Variants in RPH3AL observed in about 807,000 individuals in gnomAD.
RPH3AL encodes rabphilin 3A like (without C2 domains).
A neutral mutation model predicts 43.1 loss-of-function variants in RPH3AL; 38 were observed. That is an observed-to-expected ratio of 0.88 (90% CI 0.68 to 1.15). The LOEUF (loss-of-function observed/expected upper bound fraction) is 1.15. RPH3AL is among the 50% of genes most tolerant of loss of function. The pLI is 0.00. For synonymous variants in RPH3AL, 189 were observed against 176.3 expected, an observed-to-expected ratio of 1.07 and a Z score of -0.57; for missense variants, 462 against 423.2, an observed-to-expected ratio of 1.09 and a Z score of -0.81.
chr17:239,556 A>G (rs2041478820), intron 7 of RPH3AL, among the ~76,000 whole-genome samples: 1 of 152,192 alleles, frequency 6.6e-6, no homozygotes, highest in African/African-American at 2.4e-5. Flanking sequence ...TACTGATTTC[A>G]GTAACTTTAT....
intron 5 of RPH3AL, among the ~76,000 whole-genome samples, chr17:295,026 G>A (rs868765704): frequency 6.9e-3 from 848 of 123,036 alleles, no homozygotes; most frequent in African/African-American, 0.026. Flanking sequence ...CAGTGTGGGA[G>A]GGACAGAGAT....
At chr17:255,978 G>C (rs75909758) in intron 6 of RPH3AL, among the ~76,000 whole-genome samples, 1 of 8,908 alleles carries the variant, frequency 1.1e-4, no homozygotes, top group African/African-American at 4.3e-4. Context: ...TACTTCCTAT[G>C]AGGGGAGCTG....
intron 3 of RPH3AL, chr17:321,737 G>C (rs1027845270): frequency 1.9e-5 from 6 of 323,246 alleles, no homozygotes; most frequent in Non-Finnish European, 2.8e-5. Flanking sequence ...GCCGTGTGCA[G>C]GGGGCAAGGC....
At chr17:265,605 G>T (rs1291702962) in intron 6 of RPH3AL, among the ~76,000 whole-genome samples, 2 of 151,894 alleles carry the variant, frequency 1.3e-5, no homozygotes, top group African/African-American at 2.4e-5. Flanking sequence ...ATTTCTCCTT[G>T]TTGTTGTCCT....
At chr17:347,873 T>C (rs966367887) in intron 1 of RPH3AL, among the ~76,000 whole-genome samples, 3 of 151,222 alleles carry the variant, frequency 2.0e-5, no homozygotes, top group Admixed American at 1.3e-4. Context: ...ATAAAAAAAA[T>C]GAGCTAGTAA....
intron 6 of RPH3AL, among the ~76,000 whole-genome samples, chr17:273,883 G>C (rs542133968): frequency 1.3e-5 from 2 of 152,158 alleles, no homozygotes; most frequent in Non-Finnish European, 2.9e-5. Flanking sequence ...CCAGCTTTCA[G>C]CTCCTTAAAA....
chr17:319,495 C>T lies in RPH3AL; in HGVS notation c.276G>A (p.Leu92=). Residue 92 remains leucine (L), a synonymous_variant, in exon 5 of 10, where the codon CTG becomes CTA. Coordinates refer to ENST00000331302, the MANE Select transcript of RPH3AL (RefSeq NM_006987.4). ...TMRRNVMGNG[L]SQCLLCGEVL... ...CCTCCCCGCAGAGCAGACACTGGGA[C>T]AGGCCGTTCCCCATCACATTCCGCC... The T allele has an allele frequency of 1.9e-6, 3 of 1,612,510 alleles. No individual in the cohort carries two copies. The highest frequency in any genetic ancestry group is 8.5e-7 in the Non-Finnish European group (1 of 1,179,964).
At chr17:343,403 C>T (rs79787569) in intron 1 of RPH3AL, among the ~76,000 whole-genome samples, 2,527 of 152,332 alleles carry the variant, frequency 0.017, 50 homozygotes, top group African/African-American at 0.057. Flanking sequence ...AGGCGCTCAA[C>T]CCTGTCACGC....
intron 6 of RPH3AL, among the ~76,000 whole-genome samples, chr17:280,259 A>C (rs1309777297): frequency 6.6e-6 from 1 of 151,996 alleles, no homozygotes; most frequent in Non-Finnish European, 1.5e-5. Flanking sequence ...GAGGTGGGGG[A>C]CCAGAGCAGA....
intron 7 of RPH3AL, among the ~76,000 whole-genome samples, chr17:240,549 A>T (rs902144972): frequency 2.6e-5 from 4 of 152,180 alleles, no homozygotes; most frequent in Middle Eastern, 3.4e-3. Flanking sequence ...ATCACACAAC[A>T]CGCGGCCTTT....
At chr17:273,219 TGAGACCCCAGCGAGGGCGACGTCAGGGA>T (rs1567605050) in intron 6 of RPH3AL, among the ~76,000 whole-genome samples, 4 of 41,944 alleles carry the variant, frequency 9.5e-5, no homozygotes, top group African/African-American at 3.4e-4. Flanking sequence ...GACGTCAGGG[TGAGACCCCAGCGAGGGCGACGTCAGGGA>T]GAGACCCCAG....
At chr17:227,923 G>A (rs2041143108) in intron 7 of RPH3AL, among the ~76,000 whole-genome samples, 2 of 152,224 alleles carry the variant, frequency 1.3e-5, no homozygotes, top group Non-Finnish European at 2.9e-5. Context: ...AAGGCCCCTG[G>A]GAGTGTAGAC....
chr17:309,301 G>A (rs1390452466), intron 5 of RPH3AL, among the ~76,000 whole-genome samples: 1 of 152,152 alleles, frequency 6.6e-6, no homozygotes, highest in African/African-American at 2.4e-5. Flanking sequence ...TCTTAAAAAA[G>A]GAGCACTCCT....
intron 5 of RPH3AL, among the ~76,000 whole-genome samples, chr17:282,219 C>T (rs1420441318): frequency 1.3e-5 from 2 of 152,244 alleles, no homozygotes; most frequent in African/African-American, 2.4e-5. Flanking sequence ...GGCCTTCACA[C>T]AGCCGACGGC....
At chr17:321,044 T>C (rs1598126185) in intron 4 of RPH3AL, among the ~76,000 whole-genome samples, 1 of 152,190 alleles carries the variant, frequency 6.6e-6, no homozygotes, top group Non-Finnish European at 1.5e-5. Flanking sequence ...ACAGCTCAGC[T>C]AGCAGCCCCG....
At chr17:282,340 TAAC>T (rs2042801173) in intron 5 of RPH3AL, among the ~76,000 whole-genome samples, 1 of 152,232 alleles carries the variant, frequency 6.6e-6, no homozygotes, top group East Asian at 1.9e-4. Context: ...GAAATGCTGG[TAAC>T]AACGTGACAG....
At chr17:294,254 G>A (rs536158965) in intron 5 of RPH3AL, among the ~76,000 whole-genome samples, 1 of 151,382 alleles carries the variant, frequency 6.6e-6, no homozygotes, top group East Asian at 2.0e-4. Context: ...TTGAGCCCAG[G>A]TGATCAAGAC....
At chr17:243,364 T>TTGATTACCCTTCCTCTAC (rs1567577872) in intron 7 of RPH3AL, among the ~76,000 whole-genome samples, 1 of 142,738 alleles carries the variant, frequency 7.0e-6, no homozygotes, top group Non-Finnish European at 1.6e-5. Flanking sequence ...CCTTCCTCTA[T>TTGATTACCCTTCCTCTAC]TGATTACCCT....
At chr17:309,785 C>T (rs1431853208) in intron 5 of RPH3AL, among the ~76,000 whole-genome samples, 3 of 152,206 alleles carry the variant, frequency 2.0e-5, no homozygotes, top group South Asian at 4.1e-4. Flanking sequence ...GCCAGGGGTC[C>T]GGGATGACTC....
Sources: allele counts gnomAD v4.1 joint callset (sites outside exome capture counted in the v4.1 genomes callset), GRCh38; gene constraint gnomAD v4.1.1; transcripts MANE v1.5; gene names NCBI Gene and HGNC (gene_info 2026-07-23, HGNC 2026-07-21).